Variants in PADI4 observed in about 807,000 individuals in gnomAD.
The protein encoded by PADI4 is protein-arginine deiminase type-4.
PADI4 carries 62 observed loss-of-function variants against 75.0 expected under a neutral mutation model. The ratio of observed to expected loss-of-function variants is 0.83; its 90% confidence interval spans 0.67 to 1.02. PADI4 has a LOEUF of 1.02. Among genes scored for constraint, PADI4 ranks in the 50% least tolerant of loss-of-function variants. The probability of loss-of-function intolerance (pLI) is 0.00; values close to 1 mark genes in which losing one functional copy is unlikely to be tolerated. For synonymous variants in PADI4, 361 were observed against 348.1 expected, an observed-to-expected ratio of 1.04 and a Z score of -0.41; for missense variants, 845 against 850.5, an observed-to-expected ratio of 0.99 and a Z score of 0.08.
At position 17,363,640 on chromosome 1, in the gene PADI4, A is replaced by T. The variant is rs763816392; in HGVS notation, c.1877A>T (p.Gln626Leu). The change falls in exon 16 of 16, where the codon CAG (glutamine) becomes CTG (leucine). Residue 626 changes from glutamine to leucine, a missense_variant. Physicochemically the swap from Gln to Leu is moderately radical, Grantham distance 113 (BLOSUM62 -2). Transcript: ENST00000375448. The part of the protein sequence containing the change: ...VCSLLEPLGL[Q>L]CTFINDFFTY... ...TCCCTGCTGGAGCCACTGGGCCTCC[A>T]GTGCACCTTCATCAACGACTTCTTC... The T allele has an allele frequency of 2.8e-5, 46 of 1,614,162 alleles. No homozygotes were observed. The highest frequency in any genetic ancestry group is 1.9e-5 in the Non-Finnish European group (22 of 1,179,982).
chr1:17,312,843 G>A (rs1337662792), intron 1 of PADI4, among the ~76,000 whole-genome samples: 1 of 151,270 alleles, frequency 6.6e-6, no homozygotes, highest in East Asian at 1.9e-4. Flanking sequence ...CAAATTGTGA[G>A]GGAGATATGT....
rs1326506581 is a variant in PADI4, at chr1:17,308,282, G to T, written c.60G>T (p.Val20=). The stretch of plus-strand genomic sequence containing the variant: ...AGCAGCCCACCCATGCCGTGTGTGT[G>T]CTGGGCACCTTGACTCAGCTTGACA... ...TPEQPTHAVC[V]LGTLTQLDIC... is the part of the protein sequence containing the mutation. The change falls in exon 1 of 16, where the codon GTG becomes GTT. Residue 20 remains valine, a synonymous_variant. Coordinates refer to ENST00000375448, the MANE Select transcript of PADI4 (RefSeq NM_012387.3). 1.9e-6 allele frequency: 3 copies of T among 1,614,010 alleles called. No individual in the cohort carries two copies. The highest frequency in any genetic ancestry group is 2.5e-6 in the Non-Finnish European group (3 of 1,180,018).
At chr1:17,308,641 C>T (rs1014095125) in intron 1 of PADI4, among the ~76,000 whole-genome samples, 1 of 152,168 alleles carries the variant, frequency 6.6e-6, no homozygotes, top group Non-Finnish European at 1.5e-5. Flanking sequence ...CAAGGTCACA[C>T]AGCACGTGTG....
chr1:17,359,460 G>A (rs932002862), intron 15 of PADI4, 52 bp downstream of exon 15: 1 of 1,610,656 alleles, frequency 6.2e-7, no homozygotes, highest in Non-Finnish European at 8.5e-7. Context: ...AGGTAGCTCA[G>A]CCCGAGAGGC....
At chr1:17,336,261 A>G (rs373693736) in intron 4 of PADI4, 35 bp downstream of exon 4, 17 of 1,555,358 alleles carry the variant, frequency 1.1e-5, no homozygotes, top group Admixed American at 5.0e-5. Flanking sequence ...TCCTACTTCT[A>G]CTGGATTCTC....
chr1:17,334,426 C>T (rs777694902), intron 3 of PADI4: 7 of 459,962 alleles, frequency 1.5e-5, no homozygotes, highest in Non-Finnish European at 4.5e-6. Flanking sequence ...CTTCAGCGTC[C>T]CTAGTAGCTG....
intron 10 of PADI4, among the ~76,000 whole-genome samples, chr1:17,352,162 TGATGAGAGGTGGTAGGAGAGGC>T (rs2074667666): frequency 7.6e-6 from 1 of 131,952 alleles, no homozygotes; most frequent in African/African-American, 3.0e-5. Context: ...ATCAGGGAGG[TGATGAGAGGTGGTAGGAGAGGC>T]GGTCAGGGAG....
At chr1:17,310,235 A>G (rs910488869) in intron 1 of PADI4, among the ~76,000 whole-genome samples, 1 of 152,176 alleles carries the variant, frequency 6.6e-6, no homozygotes, top group African/African-American at 2.4e-5. Flanking sequence ...AAGAGGAAAC[A>G]GAGGCTCCAA....
intron 1 of PADI4, among the ~76,000 whole-genome samples, chr1:17,317,545 A>G (rs1186229704): frequency 6.6e-6 from 1 of 151,844 alleles, no homozygotes; most frequent in Admixed American, 6.6e-5. Flanking sequence ...CTGGGATTAC[A>G]GGCTTGAGCC....
At chr1:17,347,858 A>G in intron 9 of PADI4, 83 bp from the exon 10 acceptor site, 1 of 672,894 alleles carries the variant, frequency 1.5e-6, no homozygotes, top group Admixed American at 2.5e-5. Context: ...GAGTGAGTGG[A>G]TGGTTTCATG....
rs772373658 is a variant in PADI4 at position 17,342,062 on chromosome 1, G to A, written c.772G>A (p.Asp258Asn). Residue 258 changes from aspartate (D) to asparagine (N), a missense_variant, in exon 7 of 16, where the codon GAC (aspartate) becomes AAC (asparagine). Asp to Asn is a conservative substitution (Grantham distance 23). Coordinates refer to ENST00000375448, the MANE Select transcript of PADI4 (RefSeq NM_012387.3). ...CTACGTGGAGGCCCTCGCTTTCCCG[G>A]ACACCGACTTCCCGGGGCTCATTAC... Reference protein sequence around the residue: ...DFYVEALAFPDTDFPGLITLT... With the variant: ...DFYVEALAFPNTDFPGLITLT... 25 of 1,614,016 alleles carry A rather than the reference G, an allele frequency of 1.5e-5. No homozygotes were observed. The South Asian group carries it at 2.3e-4, about 15-fold the overall frequency.
intron 1 of PADI4, among the ~76,000 whole-genome samples, chr1:17,313,888 C>T (rs569907690): frequency 3.9e-4 from 60 of 152,334 alleles, no homozygotes; most frequent in African/African-American, 1.3e-3. Flanking sequence ...GGCATGCACA[C>T]ACCTGGTGTG....
intron 6 of PADI4, among the ~76,000 whole-genome samples, chr1:17,341,665 G>A (rs77381424): frequency 3.3e-5 from 5 of 152,294 alleles, no homozygotes; most frequent in East Asian, 1.9e-4. Context: ...AGATGCTCAG[G>A]AATGAGTGAA....
At chr1:17,339,539 G>A (rs2074376373) in intron 5 of PADI4, 149 bp from the exon 6 acceptor site, 2 of 747,340 alleles carry the variant, frequency 2.7e-6, no homozygotes, top group Admixed American at 4.8e-5. Context: ...ACTCAAAATA[G>A]CATAAAGAAA....
chr1:17,349,569 G>C (rs2074582747), intron 10 of PADI4, among the ~76,000 whole-genome samples: 2 of 152,110 alleles, frequency 1.3e-5, no homozygotes, highest in Admixed American at 1.3e-4. Context: ...GCTGGGCATG[G>C]TGGTGTGTGC....
chr1:17,345,132 G>A (rs1056275190), intron 8 of PADI4, among the ~76,000 whole-genome samples: 2 of 152,232 alleles, frequency 1.3e-5, no homozygotes, highest in African/African-American at 4.8e-5. Context: ...TGTGAGACCT[G>A]GAGTCAAAGA....
chr1:17,356,531 G>A lies in PADI4; in HGVS notation c.1558+72G>A. The A allele has an allele frequency of 2.2e-6, 2 of 894,706 alleles. No individual in the cohort carries two copies. Among genetic ancestry groups the A allele is most frequent in the Admixed American group, 2.1e-5 (1 of 47,946 alleles). The allele number at this position is 894,706 out of a possible 1,614,324, so 55.4% of individuals were successfully genotyped here. A position where few individuals can be genotyped will look rare whatever the true frequency, so the allele number is the denominator to read the frequency against. On this transcript the variant is annotated intron_variant, in intron 13 of 15. Coordinates refer to ENST00000375448, the MANE Select transcript of PADI4 (RefSeq NM_012387.3). The surrounding 1 kb of genome is among the most constrained non-coding windows in gnomAD (Gnocchi z 4.1). ...CCCATAGTCCGCTGTTGCCTGGAGG[G>A]AATCATCCAGGCAATAGGGTAGCAT...
At chr1:17,315,420 G>A (rs919483242) in intron 1 of PADI4, among the ~76,000 whole-genome samples, 21 of 152,288 alleles carry the variant, frequency 1.4e-4, no homozygotes, top group African/African-American at 4.6e-4. Context: ...TGTGTGGGAC[G>A]TACTTGGCAC....
chr1:17,359,546 A>C, intron 15 of PADI4, 138 bp downstream of exon 15: 1 of 1,172,868 alleles, frequency 8.5e-7, no homozygotes, highest in South Asian at 1.5e-5. Context: ...TGAGTGGTAC[A>C]AGGTCAGACG....
Sources: gnomAD v4.1 joint callset for allele counts (sites outside exome capture counted in the v4.1 genomes callset) on GRCh38, gnomAD v4.1.1 for gene constraint, Gnocchi (gnomAD v3.1) non-coding constraint, MANE v1.5 for transcripts, NCBI Gene and HGNC (gene_info 2026-07-23, HGNC 2026-07-21) for gene names.